DNAJA4: variants seen among roughly 807,000 people sequenced by gnomAD.
DNAJA4 encodes the protein dnaJ homolog subfamily A member 4.
A neutral mutation model predicts 39.7 loss-of-function variants in DNAJA4; 32 were observed. That is an observed-to-expected ratio of 0.81 (90% CI 0.61 to 1.08). The LOEUF is 1.08. Ranked by LOEUF, DNAJA4 falls within the 50% of genes least tolerant of loss-of-function variation. The probability of loss-of-function intolerance (pLI) is 0.00; values close to 1 mark genes in which losing one functional copy is unlikely to be tolerated. For synonymous variants in DNAJA4, 184 were observed against 182.4 expected (o/e 1.01, Z -0.07); for missense variants, 439 against 505.1 (o/e 0.87, Z 1.25).
Position 78,264,642 on chromosome 15 carries a change from C to CGGCGGCGACCGT in DNAJA4, c.-121_-120insGCGGCGACCGTG. The CGGCGGCGACCGT allele has an allele frequency of 9.8e-7, 1 of 1,016,314 alleles. No homozygotes were observed. Among genetic ancestry groups the CGGCGGCGACCGT allele is most frequent in the Non-Finnish European group, 1.2e-6 (1 of 851,090 alleles). The allele number at this position is 1,016,314 out of a possible 1,614,324, so 63.0% of individuals were successfully genotyped here. A position where few individuals can be genotyped will look rare whatever the true frequency, so the allele number is the denominator to read the frequency against. On this transcript the variant is annotated 5_prime_UTR_variant, in exon 1 of 7. Coordinates refer to ENST00000394852, the MANE Select transcript of DNAJA4 (RefSeq NM_001130182.2). ...GAGCTACAAGCGGCGGCGGCGGCGG[C>CGGCGGCGACCGT]GACCGTGACCGTGACGCGCGAGCGG...
At chr15:78,273,429 TTTTTA>T (rs2049357823) in intron 3 of DNAJA4, among the ~76,000 whole-genome samples, 1 of 152,270 alleles carries the variant, frequency 6.6e-6, no homozygotes, top group Non-Finnish European at 1.5e-5. Context: ...GTTTTTGTAT[TTTTTA>T]TTTTTATTAT....
In DNAJA4 at chr15:78,279,670, C is replaced by T; in HGVS notation, c.878-375C>T. The T allele has an allele frequency of 4.0e-6, 1 of 250,868 alleles. No homozygotes were observed. Among genetic ancestry groups the T allele is most frequent in the Non-Finnish European group, 7.7e-6 (1 of 129,278 alleles). The allele number at this position is 250,868 out of a possible 1,614,324, so 15.5% of individuals were successfully genotyped here. A position where few individuals can be genotyped will look rare whatever the true frequency, so the allele number is the denominator to read the frequency against. ...CTGTCTGTGGGGAGCACTCCTGTCC[C>T]CCTCGTGGTAGGGATACCTGTCACC... is the stretch of plus-strand genomic sequence containing the variant. On this transcript the variant is annotated intron_variant, in intron 5 of 6. Coordinates refer to ENST00000394852, the MANE Select transcript of DNAJA4 (RefSeq NM_001130182.2). This position sits in a 1 kb window ranked among gnomAD's most constrained non-coding sequence, Gnocchi z 4.5.
intron 1 of DNAJA4, among the ~76,000 whole-genome samples, chr15:78,267,258 AT>A (rs1426543848): frequency 3.3e-5 from 5 of 150,670 alleles, no homozygotes; most frequent in Non-Finnish European, 5.9e-5. Context: ...GAACCTTTAA[AT>A]TTTTTTTTCC....
Position 78,280,564 on chromosome 15 carries a change from T to C in DNAJA4, c.*104T>C. On this transcript the variant is annotated 3_prime_UTR_variant, in exon 7 of 7. Transcript: ENST00000394852. ...TAATGGCCTTGTGTTTGGGATGTCC[T>C]GTGTATGTGTTCAGCATTCTTAATT... 2 of 978,114 alleles carry C rather than the reference T, an allele frequency of 2.0e-6. No homozygotes were observed. The highest frequency in any genetic ancestry group is 3.0e-6 in the Non-Finnish European group (2 of 670,204). The allele number at this position is 978,114 out of a possible 1,614,324, so 60.6% of individuals were successfully genotyped here. A position where few individuals can be genotyped will look rare whatever the true frequency, so the allele number is the denominator to read the frequency against.
upstream of DNAJA4, chr15:78,264,481 G>A (rs1042173781): frequency 1.6e-6 from 2 of 1,262,086 alleles, no homozygotes; most frequent in African/African-American, 3.1e-5. Flanking sequence ...GAAGGTTCTA[G>A]GCCTTTGTGG....
chr15:78,264,627 CGG>C lies in DNAJA4; in HGVS notation c.-136_-135del. 3.0e-6 allele frequency: 3 copies of C among 988,134 alleles called. No homozygotes were observed. The highest frequency in any genetic ancestry group is 3.6e-6 in the Non-Finnish European group (3 of 826,376). 61.2% of individuals were successfully genotyped at this position (988,134 alleles called of 1,614,324 possible). On this transcript the variant is annotated 5_prime_UTR_variant, in exon 1 of 7. Coordinates refer to ENST00000394852, the MANE Select transcript of DNAJA4 (RefSeq NM_001130182.2). ...GCGGGGGGCGGGCGGGAGCTACAAG[CGG>C]CGGCGGCGGCGGCGACCGTGACCGT...
At chr15:78,271,068 A>C (rs145507818) in intron 2 of DNAJA4, among the ~76,000 whole-genome samples, 2 of 151,742 alleles carry the variant, frequency 1.3e-5, no homozygotes, top group East Asian at 3.9e-4. Flanking sequence ...CAAACAAACA[A>C]ACAAAAAACC....
Position 78,281,592 on chromosome 15 carries a change from A to G in DNAJA4, c.*1132A>G, listed in dbSNP as rs987604096. 6.6e-6 allele frequency: 1 copy of G among 152,240 alleles called. No homozygotes were observed. Among genetic ancestry groups the G allele is most frequent in the African/African-American group, 2.4e-5 (1 of 41,466 alleles). The allele number at this position is 152,240 out of a possible 1,614,324, so 9.4% of individuals were successfully genotyped here. A position where few individuals can be genotyped will look rare whatever the true frequency, so the allele number is the denominator to read the frequency against. On this transcript the variant is annotated 3_prime_UTR_variant, in exon 7 of 7. Coordinates refer to ENST00000394852, the MANE Select transcript of DNAJA4 (RefSeq NM_001130182.2). ...TAGCTTGTTTGGAGGGATATTAGTC[A>G]TTATTTTATTCATGACAGGTAGACT...
chr15:78,270,583 A>G lies in DNAJA4; in HGVS notation c.219A>G (p.Lys73=), dbSNP rs772585070. 47 of 1,614,148 alleles carry G rather than the reference A, an allele frequency of 2.9e-5. No homozygotes were observed. Among genetic ancestry groups the G allele is most frequent in the Non-Finnish European group, 3.0e-5 (35 of 1,180,056 alleles). ...VYDQGGEQAI[K]EGGSGSPSFS... is the part of the protein sequence containing the mutation. The stretch of plus-strand genomic sequence containing the variant: ...ACCAAGGCGGAGAGCAGGCAATTAA[A>G]GAAGGAGGCTCAGGCAGCCCCAGCT... The change falls in exon 2 of 7, where the codon AAA becomes AAG. Residue 73 remains lysine, a synonymous_variant. Transcript: ENST00000394852.
upstream of DNAJA4, chr15:78,264,232 G>A (rs2049051697): frequency 4.7e-6 from 5 of 1,053,666 alleles, no homozygotes; most frequent in African/African-American, 3.4e-5. Flanking sequence ...ACCCACGGAA[G>A]GGCAAGGGGG....
chr15:78,275,049 A>C (rs1292776710), intron 4 of DNAJA4: 1 of 179,524 alleles, frequency 5.6e-6, no homozygotes, highest in African/African-American at 2.4e-5. Flanking sequence ...AAACCGACAC[A>C]GGTGTTATTA....
At chr15:78,269,958 C>A (rs1226660693) in intron 1 of DNAJA4, 1 of 151,908 alleles carries the variant, frequency 6.6e-6, no homozygotes, top group African/African-American at 2.4e-5. Flanking sequence ...TTGCCAATAA[C>A]TGTGATATGG....
chr15:78,275,193 G>A (rs2049416363), intron 4 of DNAJA4: 1 of 371,534 alleles, frequency 2.7e-6, no homozygotes, highest in Non-Finnish European at 4.9e-6. Context: ...GAAGTGGGCG[G>A]TGACCCTATG....
intron 5 of DNAJA4, among the ~76,000 whole-genome samples, chr15:78,277,321 A>G (rs2049495992): frequency 6.6e-6 from 1 of 151,884 alleles, no homozygotes; most frequent in Non-Finnish European, 1.5e-5. Flanking sequence ...ACGCCCATCT[A>G]ATGTTTGTAC....
intron 2 of DNAJA4, 70 bp downstream of exon 2, chr15:78,270,747 A>G: frequency 6.5e-7 from 1 of 1,529,436 alleles, no homozygotes; most frequent in Non-Finnish European, 8.9e-7. Context: ...TGGAATCAGG[A>G]TAGATCATGC....
chr15:78,267,062 T>G (rs554126277), intron 1 of DNAJA4, among the ~76,000 whole-genome samples: 1 of 152,254 alleles, frequency 6.6e-6, no homozygotes, highest in East Asian at 1.9e-4. Flanking sequence ...ATTCATTCAT[T>G]CATTCAACAA....
intron 2 of DNAJA4, among the ~76,000 whole-genome samples, chr15:78,272,131 T>C (rs917779717): frequency 5.3e-5 from 8 of 152,084 alleles, no homozygotes; most frequent in Non-Finnish European, 1.0e-4. Context: ...GGTCAGGAGA[T>C]CGAGACCATC....
intron 2 of DNAJA4, among the ~76,000 whole-genome samples, chr15:78,272,200 G>A (rs963078965): frequency 5.3e-5 from 8 of 152,098 alleles, no homozygotes; most frequent in South Asian, 4.1e-4. Flanking sequence ...AGGTGGGCGC[G>A]GTGGCAGGCG....
intron 3 of DNAJA4, 116 bp downstream of exon 3, chr15:78,273,315 A>G: frequency 1.4e-6 from 1 of 705,866 alleles, no homozygotes; most frequent in Non-Finnish European, 2.4e-6. Context: ...AGGGTCAAGC[A>G]GAGATTACAA....
Sources: allele counts gnomAD v4.1 joint callset (sites outside exome capture counted in the v4.1 genomes callset), GRCh38; gene constraint gnomAD v4.1.1; non-coding constraint Gnocchi (gnomAD v3.1); transcripts MANE v1.5; gene names NCBI Gene and HGNC (gene_info 2026-07-23, HGNC 2026-07-21).